PRDM16: variants seen among roughly 807,000 people sequenced by gnomAD.
The protein encoded by PRDM16 is histone-lysine N-methyltransferase PRDM16.
A neutral mutation model predicts 110.6 loss-of-function variants in PRDM16; 23 were observed. The observed-to-expected ratio is 0.21, with a 90% confidence interval of 0.15 to 0.29. The LOEUF (loss-of-function observed/expected upper bound fraction) is 0.29. Among genes scored for constraint, PRDM16 ranks in the 10% least tolerant of loss-of-function variants. PRDM16 has a pLI of 1.00. For missense variants in PRDM16, 1,615 were observed against 1,794.3 expected, an observed-to-expected ratio of 0.90 and a Z score of 1.81; for synonymous variants, 799 against 781.8, an observed-to-expected ratio of 1.02 and a Z score of -0.37.
intron 3 of PRDM16, chr1:3,309,522 T>C (rs1641397940): frequency 6.6e-6 from 1 of 152,192 alleles, no homozygotes; most frequent in Admixed American, 6.5e-5. Context: ...TGGACAATGC[T>C]CCTAACCTCT....
At chr1:3,271,202 C>T (rs142253613) in intron 3 of PRDM16, among the ~76,000 whole-genome samples, 77 of 152,328 alleles carry the variant, frequency 5.1e-4, no homozygotes, top group Non-Finnish European at 1.0e-3. Context: ...AGCCCCAGTC[C>T]TCTTATACAG....
At chr1:3,073,989 A>G (rs1279292187) in intron 1 of PRDM16, among the ~76,000 whole-genome samples, 3 of 151,958 alleles carry the variant, frequency 2.0e-5, no homozygotes, top group Non-Finnish European at 4.4e-5. Flanking sequence ...GCCCCGAGAG[A>G]CGCGGGAGCG....
chr1:3,404,619 T>A (rs1643528325), intron 6 of PRDM16, 120 bp from the exon 7 acceptor site: 6 of 1,242,910 alleles, frequency 4.8e-6, no homozygotes, highest in African/African-American at 1.5e-5. Context: ...TGTGCTCTGA[T>A]CCCTCGGCAG....
rs1482011165 is a variant in PRDM16, at chr1:3,244,463, G to C, written c.438+326G>C. ...ACGCAGACAGGAAAATTAAATAAAC[G>C]CAGGTTGTGTTTATTTAACTGTCTT... On this transcript the variant is annotated intron_variant, in intron 3 of 16. Coordinates refer to ENST00000270722, the MANE Select transcript of PRDM16 (RefSeq NM_022114.4). The surrounding 1 kb of genome is among the most constrained non-coding windows in gnomAD (Gnocchi z 4.1). Among the ~76,000 whole-genome samples, 1 of 152,122 alleles carries C rather than the reference G, an allele frequency of 6.6e-6. No homozygotes were observed. The highest frequency in any genetic ancestry group is 1.5e-5 in the Non-Finnish European group (1 of 68,038).
chr1:3,134,130 G>A (rs1013062457), intron 1 of PRDM16, among the ~76,000 whole-genome samples: 3 of 152,120 alleles, frequency 2.0e-5, no homozygotes, highest in African/African-American at 7.2e-5. Context: ...CTGGGCTCAG[G>A]ACCACCTCTG....
chr1:3,259,357 C>T (rs914346170), intron 3 of PRDM16, among the ~76,000 whole-genome samples: 1 of 152,198 alleles, frequency 6.6e-6, no homozygotes, highest in African/African-American at 2.4e-5. Context: ...TGGCAGCACC[C>T]TCCGTGTGCA....
chr1:3,305,837 C>T (rs778434791), intron 3 of PRDM16, among the ~76,000 whole-genome samples: 26 of 152,362 alleles, frequency 1.7e-4, no homozygotes, highest in South Asian at 2.1e-4. Flanking sequence ...GGAACCCTTC[C>T]GGGTGATGCC....
In PRDM16 at chr1:3,390,341, G is replaced by T. The variant is rs1361636895; in HGVS notation, c.573+5055G>T. On this transcript the variant is annotated intron_variant, in intron 4 of 16. Transcript: ENST00000270722. This position sits in a 1 kb window ranked among gnomAD's most constrained non-coding sequence, Gnocchi z 5.0. ...AAATGTCGGGGAGCTGGACTCAGGG[G>T]TGCGGGCCCCCCAGCGTACCACGGA... Among the ~76,000 whole-genome samples, 1 of 152,188 alleles carries T rather than the reference G, an allele frequency of 6.6e-6. No homozygotes were observed. The highest frequency in any genetic ancestry group is 1.5e-5 in the Non-Finnish European group (1 of 68,034).
In PRDM16 at chr1:3,243,055, A is replaced by G. The variant is rs978568652; in HGVS notation, c.388-1032A>G. ...CTTTTAAGAGGAGACACCCGGCGAA[A>G]TGCTCTCCAGAGCCAAAGAACGTTC... On this transcript the variant is annotated intron_variant, in intron 2 of 16. Coordinates refer to ENST00000270722, the MANE Select transcript of PRDM16 (RefSeq NM_022114.4). This position sits in a 1 kb window ranked among gnomAD's most constrained non-coding sequence, Gnocchi z 5.5. Among the ~76,000 whole-genome samples the G allele has an allele frequency of 6.6e-6, 1 of 152,158 alleles. No homozygotes were observed. The highest frequency in any genetic ancestry group is 1.5e-5 in the Non-Finnish European group (1 of 68,012).
chr1:3,250,795 CTG>C (rs1396780082), intron 3 of PRDM16, among the ~76,000 whole-genome samples: 2 of 152,212 alleles, frequency 1.3e-5, no homozygotes, highest in Non-Finnish European at 2.9e-5. Flanking sequence ...TGTCCTTTTT[CTG>C]TGTCAGTGAA....
At chr1:3,192,540 C>T (rs749937044) in intron 2 of PRDM16, among the ~76,000 whole-genome samples, 11 of 152,180 alleles carry the variant, frequency 7.2e-5, no homozygotes, top group South Asian at 2.1e-4. Context: ...CTATTGGAGG[C>T]TCTGCCTTTC....
chr1:3,269,498 T>TC (rs1640378521), intron 3 of PRDM16, among the ~76,000 whole-genome samples: 1 of 135,356 alleles, frequency 7.4e-6, no homozygotes, highest in African/African-American at 2.9e-5. Context: ...AGGAGGACAG[T>TC]CCAGGAGGAG....
chr1:3,248,253 G>T (rs1639840884), intron 3 of PRDM16, among the ~76,000 whole-genome samples: 1 of 152,170 alleles, frequency 6.6e-6, no homozygotes, highest in African/African-American at 2.4e-5. Flanking sequence ...AAAGAATTTT[G>T]ATTCAATCTC....
At chr1:3,252,679 C>T (rs566212570) in intron 3 of PRDM16, among the ~76,000 whole-genome samples, 9 of 152,176 alleles carry the variant, frequency 5.9e-5, no homozygotes, top group South Asian at 2.1e-4. Flanking sequence ...ACTAGCATCC[C>T]GGGCTCGTGT....
rs1214188655 is a variant in PRDM16, at chr1:3,143,415, C to T, written c.38-42710C>T. Among the ~76,000 whole-genome samples the T allele has an allele frequency of 6.6e-6, 1 of 152,142 alleles. No homozygotes were observed. The highest frequency in any genetic ancestry group is 1.5e-5 in the Non-Finnish European group (1 of 68,034). On this transcript the variant is annotated intron_variant, in intron 1 of 16. Transcript: ENST00000270722. This position sits in a 1 kb window ranked among gnomAD's most constrained non-coding sequence, Gnocchi z 4.5. The stretch of plus-strand genomic sequence containing the variant: ...CCCCAACTTGAGCTGGGTTCATTTC[C>T]TCTCTCCACCCCTTCTTTCTTCTCA...
chr1:3,121,679 T>C (rs1643096691), intron 1 of PRDM16, among the ~76,000 whole-genome samples: 1 of 152,164 alleles, frequency 6.6e-6, no homozygotes, highest in Non-Finnish European at 1.5e-5. Context: ...GGGAACCAGC[T>C]GATTAGGGGA....
At chr1:3,418,041 C>T (rs185096667) in intron 11 of PRDM16, 44 bp downstream of exon 11, 99 of 1,535,504 alleles carry the variant, frequency 6.4e-5, no homozygotes, top group Admixed American at 2.8e-4. Flanking sequence ...TGGCGGGGCT[C>T]GAGTGCCACA....
intron 1 of PRDM16, among the ~76,000 whole-genome samples, chr1:3,181,083 C>CGCGGTCTT (rs1331423410): frequency 1.4e-5 from 2 of 147,260 alleles, no homozygotes; most frequent in Non-Finnish European, 3.0e-5. Flanking sequence ...CGGTCTTACA[C>CGCGGTCTT]ACGGCCTTAC....
intron 3 of PRDM16, among the ~76,000 whole-genome samples, chr1:3,333,663 T>C (rs1470271115): frequency 6.6e-6 from 1 of 152,126 alleles, no homozygotes; most frequent in Admixed American, 6.5e-5. Flanking sequence ...GGGGTTTGGA[T>C]GTGCGTCCCC....
Sources: gnomAD v4.1 joint callset for allele counts (sites outside exome capture counted in the v4.1 genomes callset) on GRCh38, gnomAD v4.1.1 for gene constraint, Gnocchi (gnomAD v3.1) non-coding constraint, MANE v1.5 for transcripts, NCBI Gene and HGNC (gene_info 2026-07-23, HGNC 2026-07-21) for gene names.